HECW2: variants seen among roughly 807,000 people sequenced by gnomAD.
The protein encoded by HECW2 is HECT, C2 and WW domain containing E3 ubiquitin protein ligase 2, also known as E3 ubiquitin-protein ligase HECW2.
In HECW2, 61 loss-of-function variants were observed where a neutral mutation model predicts 175.2. That is an observed-to-expected ratio of 0.35 (90% CI 0.28 to 0.43). The LOEUF (loss-of-function observed/expected upper bound fraction) is 0.43, where lower values mean the gene tolerates loss of function less well. HECW2 is among the 20% of genes least tolerant of loss of function. The pLI is 1.00. For synonymous variants in HECW2, 671 were observed against 731.0 expected (o/e 0.92, Z 1.32); for missense variants, 1,524 against 2,000.5 (o/e 0.76, Z 4.54).
At chr2:196,279,834 C>T (rs1244218212) in intron 14 of HECW2, among the ~76,000 whole-genome samples, 1 of 152,212 alleles carries the variant, frequency 6.6e-6, no homozygotes, top group East Asian at 1.9e-4. Flanking sequence ...TCATTCCTGA[C>T]ATTTCTCCCC....
chr2:196,376,685 C>A (rs1023132761), intron 2 of HECW2, among the ~76,000 whole-genome samples: 1 of 148,586 alleles, frequency 6.7e-6, no homozygotes, highest in Admixed American at 6.8e-5. Context: ...GTAGTCCCAG[C>A]ACTTTGGGAG....
At chr2:196,274,180 G>A in intron 15 of HECW2, 57 bp from the exon 16 acceptor site, 1 of 1,303,230 alleles carries the variant, frequency 7.7e-7, no homozygotes, top group East Asian at 2.3e-5. Context: ...CTCTATATCA[G>A]CATCCCAAAC....
intron 1 of HECW2, among the ~76,000 whole-genome samples, chr2:196,527,677 A>C (rs1369468707): frequency 6.6e-6 from 1 of 152,264 alleles, no homozygotes; most frequent in Non-Finnish European, 1.5e-5. Context: ...AAAAATATAC[A>C]AAACAGAATA....
chr2:196,212,149 TTAAG>T lies in HECW2; in HGVS notation c.4607+3712_4607+3715del, dbSNP rs368138260. Among the ~76,000 whole-genome samples the T allele has an allele frequency of 7.5e-3, 1,148 of 152,318 alleles. 25 individuals carry two copies. The highest frequency in any genetic ancestry group is 0.026 in the African/African-American group (1,091 of 41,540). On this transcript the variant is annotated intron_variant, in intron 28 of 28. Transcript: ENST00000644978. ...ACCATGCCCAGCCAGGATTCATTTT[TTAAG>T]TAAGAAGGACATCTATCCATTTTTC...
At chr2:196,417,862 T>C (rs932044583) in intron 2 of HECW2, among the ~76,000 whole-genome samples, 2 of 152,198 alleles carry the variant, frequency 1.3e-5, no homozygotes, top group Non-Finnish European at 2.9e-5. Flanking sequence ...GCTTTCCTTT[T>C]CATGGTGAAT....
chr2:196,431,434 A>G (rs1481606576), intron 2 of HECW2, among the ~76,000 whole-genome samples: 1 of 152,210 alleles, frequency 6.6e-6, no homozygotes, highest in Non-Finnish European at 1.5e-5. Flanking sequence ...AAAATAAATC[A>G]TCTTATATGA....
intron 1 of HECW2, among the ~76,000 whole-genome samples, chr2:196,550,368 G>C (rs1467118098): frequency 6.6e-6 from 1 of 151,988 alleles, no homozygotes; most frequent in Non-Finnish European, 1.5e-5. Flanking sequence ...ATCACAGTTG[G>C]GAAGTTGTTT....
At chr2:196,298,013 G>C (rs1394441359) in intron 13 of HECW2, among the ~76,000 whole-genome samples, 3 of 152,098 alleles carry the variant, frequency 2.0e-5, no homozygotes, top group African/African-American at 7.2e-5. Flanking sequence ...GAATTCCCAA[G>C]TTTTAAGAAT....
intron 14 of HECW2, among the ~76,000 whole-genome samples, chr2:196,282,696 C>T (rs1403436358): frequency 2.6e-5 from 4 of 152,120 alleles, no homozygotes; most frequent in Admixed American, 6.6e-5. Context: ...GCAGATGAAG[C>T]CTCCAGGTAG....
intron 28 of HECW2, among the ~76,000 whole-genome samples, chr2:196,209,107 A>G (rs1687172784): frequency 6.6e-6 from 1 of 152,228 alleles, no homozygotes. Context: ...GCATTCTTTA[A>G]CTGTTGCAAT....
intron 1 of HECW2, among the ~76,000 whole-genome samples, chr2:196,459,435 G>A (rs558394105): frequency 5.3e-5 from 8 of 152,272 alleles, no homozygotes; most frequent in Admixed American, 5.2e-4. Context: ...TATAGATACA[G>A]TAAAAAATAA....
chr2:196,390,539 C>T (rs768808247), intron 2 of HECW2, among the ~76,000 whole-genome samples: 6 of 152,200 alleles, frequency 3.9e-5, no homozygotes, highest in Non-Finnish European at 7.3e-5. Flanking sequence ...CTAGCCTTTT[C>T]TGTGCCTGTC....
At chr2:196,468,770 T>C (rs1270956159) in intron 1 of HECW2, among the ~76,000 whole-genome samples, 1 of 152,176 alleles carries the variant, frequency 6.6e-6, no homozygotes, top group Non-Finnish European at 1.5e-5. Context: ...AGAAGGGACT[T>C]GGACTGTGGG....
intron 1 of HECW2, among the ~76,000 whole-genome samples, chr2:196,519,756 C>G (rs149541739): frequency 6.6e-6 from 1 of 152,146 alleles, no homozygotes; most frequent in East Asian, 1.9e-4. Flanking sequence ...CAAGAAAATA[C>G]GTGTAATGGC....
At chr2:196,591,787 G>A (rs572886151) in intron 1 of HECW2, among the ~76,000 whole-genome samples, 1 of 152,282 alleles carries the variant, frequency 6.6e-6, no homozygotes, top group East Asian at 1.9e-4. Flanking sequence ...TGACCAAACA[G>A]ATTAGCAAAC....
At chr2:196,368,834 A>G (rs1156392473) in intron 2 of HECW2, among the ~76,000 whole-genome samples, 1 of 151,974 alleles carries the variant, frequency 6.6e-6, no homozygotes, top group East Asian at 1.9e-4. Flanking sequence ...AGTTATTTCA[A>G]GCTCTTTGTT....
At chr2:196,209,164 G>A (rs1008360600) in intron 28 of HECW2, among the ~76,000 whole-genome samples, 1 of 152,196 alleles carries the variant, frequency 6.6e-6, no homozygotes, top group Non-Finnish European at 1.5e-5. Flanking sequence ...TTGTGAAATA[G>A]CTCTCAAGGA....
At chr2:196,569,340 TCTAAACTAAACTAAA>T (rs200812711) in intron 1 of HECW2, among the ~76,000 whole-genome samples, 2 of 149,290 alleles carry the variant, frequency 1.3e-5, no homozygotes, top group Non-Finnish European at 3.0e-5. Flanking sequence ...AGACACTGTC[TCTAAACTAAACTAAA>T]CTAAACTAAA....
chr2:196,348,728 AATT>A (rs1693056899), intron 2 of HECW2, among the ~76,000 whole-genome samples: 1 of 152,256 alleles, frequency 6.6e-6, no homozygotes, highest in Non-Finnish European at 1.5e-5. Context: ...ATATAGAAGT[AATT>A]ATAACTTTAT....
Sources: gnomAD v4.1 joint callset for allele counts (sites outside exome capture counted in the v4.1 genomes callset) on GRCh38, gnomAD v4.1.1 for gene constraint, MANE v1.5 for transcripts, NCBI Gene and HGNC (gene_info 2026-07-23, HGNC 2026-07-21) for gene names.